RIMS1: variants seen among roughly 807,000 people sequenced by gnomAD.
RIMS1 encodes regulating synaptic membrane exocytosis protein 1.
A neutral mutation model predicts 214.1 loss-of-function variants in RIMS1; 83 were observed. That is an observed-to-expected ratio of 0.39 (90% CI 0.32 to 0.47). RIMS1 has a LOEUF of 0.47. Among genes scored for constraint, RIMS1 ranks in the 20% least tolerant of loss-of-function variants. RIMS1 has a pLI of 0.99. For synonymous variants in RIMS1, 793 were observed against 786.8 expected (o/e 1.01, Z -0.13); for missense variants, 2,050 against 2,161.8 (o/e 0.95, Z 1.03).
At chr6:71,926,705 C>T (rs910066874) in intron 1 of RIMS1, among the ~76,000 whole-genome samples, 2 of 152,008 alleles carry the variant, frequency 1.3e-5, no homozygotes, top group African/African-American at 4.8e-5. Context: ...TAACAGCAGC[C>T]CAAACACTTC....
chr6:72,214,773 G>A (rs145542044), intron 6 of RIMS1, among the ~76,000 whole-genome samples: 2,811 of 151,718 alleles, frequency 0.019, 86 homozygotes, highest in African/African-American at 0.065. Context: ...CCAGGCTGGC[G>A]TGCAATGGTG....
chr6:72,154,656 A>G lies in RIMS1; in HGVS notation c.472-24919A>G, dbSNP rs2044206030. ...TTGTGAGAATCTAGGAGTTCACTGA[A>G]GTTCCAGCACATCATCAAAGCAAGA... On this transcript the variant is annotated intron_variant, in intron 4 of 33. Transcript: ENST00000521978. Among the ~76,000 whole-genome samples, 2 of 140,784 alleles carry G rather than the reference A, an allele frequency of 1.4e-5. 1 individual carries two copies. Among genetic ancestry groups the G allele is most frequent in the African/African-American group, 4.9e-5 (2 of 40,652 alleles). 92.4% of individuals were successfully genotyped at this position (140,784 alleles called of 152,430 possible).
chr6:72,360,017 T>C (rs2097768491), intron 29 of RIMS1, among the ~76,000 whole-genome samples: 1 of 152,224 alleles, frequency 6.6e-6, no homozygotes, highest in African/African-American at 2.4e-5. Context: ...TTGTATAAAA[T>C]TTATCAGATA....
intron 26 of RIMS1, among the ~76,000 whole-genome samples, chr6:72,304,896 C>CT (rs1243954180): frequency 6.6e-6 from 1 of 151,884 alleles, no homozygotes; most frequent in Non-Finnish European, 1.5e-5. Context: ...GCAACTACAT[C>CT]TTTGATTGAG....
chr6:72,396,031 G>C (rs2098771686), intron 31 of RIMS1, among the ~76,000 whole-genome samples: 1 of 151,210 alleles, frequency 6.6e-6, no homozygotes, highest in South Asian at 2.1e-4. Flanking sequence ...CCCAAGAAAA[G>C]CAAATTCAGC....
At chr6:72,216,401 C>T (rs1449080747) in intron 6 of RIMS1, 1 of 978,002 alleles carries the variant, frequency 1.0e-6, no homozygotes, top group Non-Finnish European at 1.2e-6. Context: ...TCCTTTTGCC[C>T]TCTGGAGATG....
chr6:72,058,492 T>C (rs779224632), intron 2 of RIMS1, among the ~76,000 whole-genome samples: 7 of 152,232 alleles, frequency 4.6e-5, no homozygotes, highest in Non-Finnish European at 1.0e-4. Context: ...AGGTTCTCAG[T>C]GTATCTCCAC....
At chr6:72,043,337 T>C (rs77697931) in intron 2 of RIMS1, among the ~76,000 whole-genome samples, 2,045 of 152,012 alleles carry the variant, frequency 0.013, 10 homozygotes, top group Non-Finnish European at 0.017. Flanking sequence ...TTTTTATCTT[T>C]CTACTTTAAA....
intron 4 of RIMS1, among the ~76,000 whole-genome samples, chr6:72,139,807 A>G (rs1224083823): frequency 1.3e-5 from 2 of 152,282 alleles, no homozygotes; most frequent in East Asian, 3.9e-4. Flanking sequence ...ACCAAATGCA[A>G]ATCAATCTCT....
chr6:71,912,382 T>G (rs1777179415), intron 1 of RIMS1, among the ~76,000 whole-genome samples: 1 of 152,124 alleles, frequency 6.6e-6, no homozygotes, highest in African/African-American at 2.4e-5. Context: ...CTTGCTTTGT[T>G]GTGTCTCCAA....
chr6:72,029,492 A>T (rs530662382), intron 2 of RIMS1, among the ~76,000 whole-genome samples: 6 of 152,172 alleles, frequency 3.9e-5, no homozygotes, highest in African/African-American at 1.2e-4. Context: ...ACATGTAAGG[A>T]CACAGCAAGA....
rs544681347 is a variant in RIMS1 at position 72,069,267 on chromosome 6, C to G, written c.246-27682C>G. 4.6e-5 allele frequency among the ~76,000 whole-genome samples: 7 copies of G among 152,306 alleles called. No individual in the cohort carries two copies. In the South Asian group the frequency reaches 1.4e-3, roughly 32 times the overall value. On this transcript the variant is annotated intron_variant, in intron 2 of 33. Transcript: ENST00000521978. ...CCTAGGTGCTTTGCTGCTGTTAACG[C>G]TGCTATAGTATTAGAATAGCAGCAG...
intron 10 of RIMS1, among the ~76,000 whole-genome samples, chr6:72,242,702 AGT>A (rs1295687517): frequency 3.3e-5 from 5 of 151,910 alleles, no homozygotes; most frequent in Admixed American, 3.3e-4. Context: ...TGAAATATAA[AGT>A]AAAATATTTT....
intron 26 of RIMS1, among the ~76,000 whole-genome samples, chr6:72,303,457 A>G (rs1165370485): frequency 6.6e-6 from 1 of 151,236 alleles, no homozygotes; most frequent in African/African-American, 2.4e-5. Context: ...CTTTATTTTT[A>G]ATACTAATAC....
chr6:72,055,362 A>G (rs989295891), intron 2 of RIMS1, among the ~76,000 whole-genome samples: 1 of 152,244 alleles, frequency 6.6e-6, no homozygotes, highest in Non-Finnish European at 1.5e-5. Context: ...AAAGATGAAG[A>G]AACTGATTCA....
chr6:72,379,080 A>T (rs1441646388), intron 29 of RIMS1, among the ~76,000 whole-genome samples: 2 of 152,222 alleles, frequency 1.3e-5, no homozygotes, highest in Non-Finnish European at 2.9e-5. Context: ...AACTGAGAGT[A>T]TTCTTTATTA....
chr6:72,089,658 C>T (rs1248602319), intron 2 of RIMS1, among the ~76,000 whole-genome samples: 2 of 151,646 alleles, frequency 1.3e-5, no homozygotes, highest in Admixed American at 1.3e-4. Flanking sequence ...ACCCAGCCAT[C>T]CCATTACTGG....
rs111799065 is a variant in RIMS1, at chr6:72,145,353, G to A, written c.472-34222G>A. Among the ~76,000 whole-genome samples, 754 of 152,214 alleles carry A rather than the reference G, an allele frequency of 5.0e-3. 4 individuals are homozygous for A. Among genetic ancestry groups the A allele is most frequent in the Middle Eastern group, 0.01 (3 of 294 alleles). On this transcript the variant is annotated intron_variant, in intron 4 of 33. Coordinates refer to ENST00000521978, the MANE Select transcript of RIMS1 (RefSeq NM_014989.7). The stretch of plus-strand genomic sequence containing the variant: ...TTTTTGGCCAGGTGTGTCGGCTCAC[G>A]CCTATAATCTCAGCACTTTGGGAGG...
At chr6:72,356,690 G>A (rs776038474) in intron 29 of RIMS1, among the ~76,000 whole-genome samples, 13 of 152,038 alleles carry the variant, frequency 8.6e-5, no homozygotes, top group Non-Finnish European at 1.8e-4. Flanking sequence ...AACCCCAGAG[G>A]CAGAGGTTGC....
Sources: gnomAD v4.1 joint callset for allele counts (sites outside exome capture counted in the v4.1 genomes callset) on GRCh38, gnomAD v4.1.1 for gene constraint, MANE v1.5 for transcripts, NCBI Gene and HGNC (gene_info 2026-07-23, HGNC 2026-07-21) for gene names.